LHFPL2: variants seen among roughly 807,000 people sequenced by gnomAD.
LHFPL2 encodes the protein LHFPL tetraspan subfamily member 2, also known as LHFPL tetraspan subfamily member 2 protein.
A neutral mutation model predicts 17.5 loss-of-function variants in LHFPL2; 7 were observed. The observed-to-expected ratio is 0.40, with a 90% CI of 0.23 to 0.75. The LOEUF is 0.75. Ranked by LOEUF, LHFPL2 falls within the 30% of genes least tolerant of loss-of-function variation. The pLI is 0.37. For synonymous variants in LHFPL2, 134 were observed against 116.2 expected, an observed-to-expected ratio of 1.15 and a Z score of -0.99; for missense variants, 241 against 294.8, an observed-to-expected ratio of 0.82 and a Z score of 1.34.
intron 4 of LHFPL2, chr5:78,494,526 C>T: frequency 2.0e-6 from 2 of 985,380 alleles, no homozygotes; most frequent in Non-Finnish European, 2.4e-6. Flanking sequence ...CATGATTCAA[C>T]CTTATCTGTA....
intron 2 of LHFPL2, among the ~76,000 whole-genome samples, chr5:78,617,751 C>A (rs186497628): frequency 7.2e-5 from 11 of 152,232 alleles, no homozygotes; most frequent in Admixed American, 2.0e-4. Context: ...ACCCTACTCT[C>A]CAGATTAAAC....
intron 3 of LHFPL2, among the ~76,000 whole-genome samples, chr5:78,523,444 TAGA>T (rs1188219048): frequency 2.0e-5 from 3 of 151,650 alleles, no homozygotes; most frequent in Admixed American, 6.6e-5. Context: ...AGTGAGGGGG[TAGA>T]AGAAGGCGGG....
chr5:78,548,045 G>A (rs1756335839), intron 3 of LHFPL2, among the ~76,000 whole-genome samples: 1 of 152,270 alleles, frequency 6.6e-6, no homozygotes, highest in Admixed American at 6.5e-5. Flanking sequence ...GGAATGATCA[G>A]GCCGAGACGG....
chr5:78,551,468 A>G (rs1756439386), intron 3 of LHFPL2, among the ~76,000 whole-genome samples: 1 of 152,182 alleles, frequency 6.6e-6, no homozygotes, highest in Non-Finnish European at 1.5e-5. Flanking sequence ...GGGCCACTTC[A>G]GCTCCTGGTC....
At chr5:78,600,461 G>A (rs1328969445) in intron 2 of LHFPL2, among the ~76,000 whole-genome samples, 1 of 152,136 alleles carries the variant, frequency 6.6e-6, no homozygotes, top group Non-Finnish European at 1.5e-5. Flanking sequence ...ATGTGCAGTG[G>A]CTCACACCTG....
intron 3 of LHFPL2, among the ~76,000 whole-genome samples, chr5:78,531,281 G>A (rs925296181): frequency 1.3e-5 from 2 of 152,078 alleles, no homozygotes; most frequent in Non-Finnish European, 2.9e-5. Flanking sequence ...CGGGCATGGT[G>A]GTGCATGCCA....
chr5:78,608,157 G>A (rs1744292705), intron 2 of LHFPL2, among the ~76,000 whole-genome samples: 1 of 152,186 alleles, frequency 6.6e-6, no homozygotes, highest in African/African-American at 2.4e-5. Context: ...CAGACTGAAA[G>A]GAGCAGAGAA....
intron 2 of LHFPL2, among the ~76,000 whole-genome samples, chr5:78,574,807 G>A (rs140814056): frequency 2.0e-5 from 3 of 152,320 alleles, no homozygotes; most frequent in Non-Finnish European, 2.9e-5. Context: ...CTGAGCTTTC[G>A]CTTACATGAA....
At chr5:78,537,299 C>T (rs1013198917) in intron 3 of LHFPL2, among the ~76,000 whole-genome samples, 9 of 152,170 alleles carry the variant, frequency 5.9e-5, no homozygotes, top group African/African-American at 1.4e-4. Context: ...GCCCCATCAG[C>T]TGCCTCCCTT....
chr5:78,494,613 A>C lies in LHFPL2; in HGVS notation c.431-5460T>G, dbSNP rs138104723. 7.4e-5 allele frequency: 45 copies of C among 610,436 alleles called. No homozygotes were observed. The African/African-American group carries it at 8.8e-4, about 12-fold the overall frequency. 37.8% of individuals were successfully genotyped at this position (610,436 alleles called of 1,614,324 possible). On this transcript the variant is annotated intron_variant, in intron 4 of 4. Transcript: ENST00000380345. Reference sequence around the variant, plus strand: ...AGGTGCCACCTCCAGCTGGAGACAGAGCCTTGACAACCTCACCGATGGTCA... The same window carrying C: ...AGGTGCCACCTCCAGCTGGAGACAGCGCCTTGACAACCTCACCGATGGTCA...
chr5:78,550,564 TTTTATTTA>T (rs71001113), intron 3 of LHFPL2, among the ~76,000 whole-genome samples: 1 of 150,660 alleles, frequency 6.6e-6, no homozygotes, highest in Non-Finnish European at 1.5e-5. Flanking sequence ...TTTTATTTAT[TTTTATTTA>T]TTTATTTATT....
chr5:78,539,742 A>G (rs1756051494), intron 3 of LHFPL2, among the ~76,000 whole-genome samples: 1 of 151,260 alleles, frequency 6.6e-6, no homozygotes, highest in Admixed American at 6.6e-5. Flanking sequence ...CTAAAACCAC[A>G]TAGCCTGCTA....
intron 3 of LHFPL2, among the ~76,000 whole-genome samples, chr5:78,558,848 C>G (rs1756651769): frequency 6.6e-6 from 1 of 152,184 alleles, no homozygotes; most frequent in African/African-American, 2.4e-5. Context: ...CCTCCTCTCC[C>G]CAGAGCAGAT....
At chr5:78,546,439 C>A (rs1756276661) in intron 3 of LHFPL2, among the ~76,000 whole-genome samples, 1 of 152,220 alleles carries the variant, frequency 6.6e-6, no homozygotes, top group Non-Finnish European at 1.5e-5. Context: ...TATCCTTGGG[C>A]AAACCACTCA....
In LHFPL2 at chr5:78,628,641, C is replaced by A. The variant is rs536693431; in HGVS notation, c.-245+3623G>T. On this transcript the variant is annotated intron_variant, in intron 2 of 4. Coordinates refer to ENST00000380345, the MANE Select transcript of LHFPL2 (RefSeq NM_005779.3). ...CTGTCCACCAGGCTAAAACACAGGC[C>A]CACTCAAACCAGCACCTTGGGAGGG... Among the ~76,000 whole-genome samples, 4 of 152,166 alleles carry A rather than the reference C, an allele frequency of 2.6e-5. No homozygotes were observed. The East Asian group carries it at 7.7e-4, about 29-fold the overall frequency.
chr5:78,623,330 C>T (rs1399430607), intron 2 of LHFPL2, among the ~76,000 whole-genome samples: 1 of 152,180 alleles, frequency 6.6e-6, no homozygotes, highest in Non-Finnish European at 1.5e-5. Flanking sequence ...CATTTTATAG[C>T]AAGTTGAAAC....
chr5:78,588,094 T>C (rs1425472988), intron 2 of LHFPL2, among the ~76,000 whole-genome samples: 1 of 152,250 alleles, frequency 6.6e-6, no homozygotes, highest in Non-Finnish European at 1.5e-5. Context: ...TGGATCTATC[T>C]TTTCTAATTC....
chr5:78,491,660 GC>G (rs941550723), intron 4 of LHFPL2, among the ~76,000 whole-genome samples: 2 of 152,208 alleles, frequency 1.3e-5, no homozygotes, highest in African/African-American at 4.8e-5. Flanking sequence ...TCCAGGCTCC[GC>G]CCTGTATGAG....
chr5:78,581,274 A>G (rs1332050510), intron 2 of LHFPL2, among the ~76,000 whole-genome samples: 45 of 152,248 alleles, frequency 3.0e-4, no homozygotes, highest in Non-Finnish European at 4.4e-5. Context: ...CTAATTGAAT[A>G]CCCTTTATTT....
Sources: allele counts gnomAD v4.1 joint callset (sites outside exome capture counted in the v4.1 genomes callset), GRCh38; gene constraint gnomAD v4.1.1; transcripts MANE v1.5; gene names NCBI Gene and HGNC (gene_info 2026-07-23, HGNC 2026-07-21).